TASP1: variants seen among roughly 807,000 people sequenced by gnomAD.
TASP1 encodes the protein taspase 1.
Under a neutral mutation model 56.6 loss-of-function variants are expected in TASP1, and 16 were observed. The ratio of observed to expected loss-of-function variants is 0.28; its 90% confidence interval spans 0.19 to 0.43. The LOEUF is 0.43. TASP1 is among the 20% of genes least tolerant of loss of function. The probability of loss-of-function intolerance (pLI) is 1.00; values close to 1 mark genes in which losing one functional copy is unlikely to be tolerated. For missense variants in TASP1, 393 were observed against 511.6 expected (o/e 0.77, Z 2.24); for synonymous variants, 179 against 184.2 (o/e 0.97, Z 0.23).
chr20:13,115,322 C>A, the TASP1 span, among the ~76,000 whole-genome samples: 1 of 152,130 alleles, frequency 6.6e-6, no homozygotes, highest in African/African-American at 2.4e-5. Flanking sequence ...GTGTGCCCTG[C>A]ATTAACTCCA....
intron 10 of TASP1, among the ~76,000 whole-genome samples, chr20:13,516,623 T>C (rs1303868233): frequency 1.3e-5 from 2 of 150,838 alleles, no homozygotes; most frequent in Non-Finnish European, 2.9e-5. Flanking sequence ...ATGGCAGAAC[T>C]GGCATTTTAA....
intron 11 of TASP1, among the ~76,000 whole-genome samples, chr20:13,481,280 A>G (rs1321629961): frequency 6.6e-6 from 1 of 151,900 alleles, no homozygotes; most frequent in Non-Finnish European, 1.5e-5. Context: ...TCTGCATAGT[A>G]CTCCATTGTG....
At chr20:13,316,169 T>C in the TASP1 span, among the ~76,000 whole-genome samples, 1 of 151,950 alleles carries the variant, frequency 6.6e-6, no homozygotes, top group South Asian at 2.1e-4. Context: ...TGAATAACTC[T>C]ATGCCCACAA....
chr20:13,544,278 A>C (rs1247827343), intron 8 of TASP1, among the ~76,000 whole-genome samples: 1 of 152,162 alleles, frequency 6.6e-6, no homozygotes, highest in African/African-American at 2.4e-5. Context: ...ACTGGATCAC[A>C]CTTTTCTCAT....
the TASP1 span, among the ~76,000 whole-genome samples, chr20:13,172,324 AG>A: frequency 6.6e-6 from 1 of 152,174 alleles, no homozygotes; most frequent in Admixed American, 6.5e-5. Flanking sequence ...AAAAGGTAAA[AG>A]TAATTGCTTT....
At chr20:13,500,374 T>C (rs2043901630) in intron 10 of TASP1, among the ~76,000 whole-genome samples, 1 of 149,350 alleles carries the variant, frequency 6.7e-6, no homozygotes, top group East Asian at 2.0e-4. Context: ...TCAAATATAA[T>C]GTTTAGTATA....
chr20:13,276,905 G>C, the TASP1 span, among the ~76,000 whole-genome samples: 34 of 152,336 alleles, frequency 2.2e-4, no homozygotes, highest in East Asian at 6.2e-3. Flanking sequence ...ATATCAGCAT[G>C]AGGTTTTCAC....
the TASP1 span, among the ~76,000 whole-genome samples, chr20:13,302,098 G>A: frequency 1.3e-5 from 2 of 152,206 alleles, no homozygotes; most frequent in African/African-American, 4.8e-5. Flanking sequence ...GGCAAGTTAT[G>A]GAGCCATGTC....
At chr20:13,586,985 T>C (rs1431924273) in intron 5 of TASP1, among the ~76,000 whole-genome samples, 1 of 152,100 alleles carries the variant, frequency 6.6e-6, no homozygotes, top group African/African-American at 2.4e-5. Flanking sequence ...AAAAATATAG[T>C]GTGTATTTCA....
the TASP1 span, among the ~76,000 whole-genome samples, chr20:13,183,788 G>A: frequency 5.3e-5 from 8 of 152,220 alleles, no homozygotes; most frequent in Middle Eastern, 3.4e-3. Flanking sequence ...CCAGCACTTT[G>A]GGAGGCTGAG....
chr20:13,586,892 C>T (rs561767753), intron 5 of TASP1, among the ~76,000 whole-genome samples: 35 of 151,468 alleles, frequency 2.3e-4, no homozygotes, highest in South Asian at 6.3e-4. Flanking sequence ...TTAAACCCCA[C>T]GGGGAAAGGA....
At chr20:13,614,244 C>T (rs532695566) in intron 4 of TASP1, among the ~76,000 whole-genome samples, 1 of 152,104 alleles carries the variant, frequency 6.6e-6, no homozygotes, top group African/African-American at 2.4e-5. Context: ...TTGAGTCAAA[C>T]ATAGTATGTT....
chr20:13,502,490 T>C (rs921536206), intron 10 of TASP1, among the ~76,000 whole-genome samples: 2 of 152,148 alleles, frequency 1.3e-5, no homozygotes, highest in Admixed American at 6.6e-5. Context: ...ACCATAGACC[T>C]ATAGGTCAAT....
At chr20:13,358,074 G>A in the TASP1 span, among the ~76,000 whole-genome samples, 1 of 152,116 alleles carries the variant, frequency 6.6e-6, no homozygotes, top group East Asian at 1.9e-4. Flanking sequence ...CCTTGTGAAA[G>A]TCCTTTGCCT....
chr20:13,621,440 T>A (rs532861951), intron 4 of TASP1, among the ~76,000 whole-genome samples: 1 of 151,954 alleles, frequency 6.6e-6, no homozygotes, highest in African/African-American at 2.4e-5. Context: ...CAAAAATATA[T>A]ATATAAAAAA....
the TASP1 span, among the ~76,000 whole-genome samples, chr20:13,123,418 C>A: frequency 0.032 from 4,802 of 152,112 alleles, 117 homozygotes; most frequent in South Asian, 0.079. Flanking sequence ...TATGTATTCA[C>A]CCATTTCATC....
intron 8 of TASP1, among the ~76,000 whole-genome samples, chr20:13,539,437 C>G (rs2045538176): frequency 6.6e-6 from 1 of 152,070 alleles, no homozygotes; most frequent in Non-Finnish European, 1.5e-5. Context: ...GTAGTCTGAG[C>G]TACTCAGGAG....
At position 13,390,242 on chromosome 20, in the gene TASP1, A is replaced by T; in HGVS notation, c.*118T>A. The T allele has an allele frequency of 1.1e-6, 1 of 891,088 alleles. No homozygotes were observed. The highest frequency in any genetic ancestry group is 1.7e-6 in the Non-Finnish European group (1 of 575,334). 55.2% of individuals were successfully genotyped at this position (891,088 alleles called of 1,614,324 possible). ...GCAGCACTTGTGTCTCGAGCAGTGC[A>T]CGAGGTTGCAATAGGAATTATAAAA... On this transcript the variant is annotated 3_prime_UTR_variant, in exon 14 of 14. Coordinates refer to ENST00000337743, the MANE Select transcript of TASP1 (RefSeq NM_017714.3).
At chr20:13,221,033 T>C in the TASP1 span, among the ~76,000 whole-genome samples, 1 of 151,934 alleles carries the variant, frequency 6.6e-6, no homozygotes, top group African/African-American at 2.4e-5. Context: ...CGTGACAACC[T>C]CGGTGTGCCC....
Sources: gnomAD v4.1 joint callset for allele counts (sites outside exome capture counted in the v4.1 genomes callset) on GRCh38, gnomAD v4.1.1 for gene constraint, MANE v1.5 for transcripts, NCBI Gene and HGNC (gene_info 2026-07-23, HGNC 2026-07-21) for gene names.